The following FAM227B variants were observed in gnomAD, a reference collection of about 807,000 sequenced individuals.
FAM227B encodes the protein protein FAM227B.
Under a neutral mutation model 73.8 loss-of-function variants are expected in FAM227B, and 88 were observed. The observed-to-expected ratio is 1.19, with a 90% confidence interval of 1.00 to 1.42. The LOEUF (loss-of-function observed/expected upper bound fraction) is 1.42. Among genes scored for constraint, FAM227B ranks in the 40% most tolerant of loss-of-function variants. The pLI, the probability that FAM227B is intolerant of heterozygous loss-of-function variation, is 0.00. For missense variants in FAM227B, 632 were observed against 590.9 expected (o/e 1.07, Z -0.72); for synonymous variants, 210 against 190.5 (o/e 1.10, Z -0.84).
chr15:49,547,729 G>A (rs58886482), intron 9 of FAM227B, among the ~76,000 whole-genome samples: 45,035 of 151,978 alleles, frequency 0.3, 7,000 homozygotes, highest in East Asian at 0.38. Flanking sequence ...AAGACAAAGA[G>A]ACATTTATAT....
At chr15:49,421,361 C>T (rs2151732987) in intron 11 of FAM227B, among the ~76,000 whole-genome samples, 1 of 152,272 alleles carries the variant, frequency 6.6e-6, no homozygotes, top group East Asian at 1.9e-4. Context: ...GAATTTAAAC[C>T]ATTGATACAG....
At chr15:49,539,220 T>C (rs2070711733) in intron 10 of FAM227B, among the ~76,000 whole-genome samples, 1 of 152,138 alleles carries the variant, frequency 6.6e-6, no homozygotes, top group Non-Finnish European at 1.5e-5. Context: ...TCACTGAAAA[T>C]TGCAGCATCC....
At chr15:49,446,037 G>C (rs1403065428) in intron 11 of FAM227B, among the ~76,000 whole-genome samples, 3 of 151,118 alleles carry the variant, frequency 2.0e-5, no homozygotes, top group African/African-American at 7.3e-5. Flanking sequence ...TAGTTTTCTT[G>C]TACATTAAAA....
intron 11 of FAM227B, among the ~76,000 whole-genome samples, chr15:49,391,891 C>T (rs1341706663): frequency 1.3e-5 from 2 of 152,058 alleles, no homozygotes; most frequent in Non-Finnish European, 2.9e-5. Context: ...GATTAGCTGC[C>T]CAATTCTCCT....
At chr15:49,498,926 G>C (rs914851021) in intron 11 of FAM227B, among the ~76,000 whole-genome samples, 5 of 151,908 alleles carry the variant, frequency 3.3e-5, no homozygotes, top group Admixed American at 2.6e-4. Flanking sequence ...CAGCACTTTG[G>C]GAGGCCGAGG....
At chr15:49,435,341 G>C (rs2051003525) in intron 11 of FAM227B, among the ~76,000 whole-genome samples, 1 of 151,446 alleles carries the variant, frequency 6.6e-6, no homozygotes, top group Non-Finnish European at 1.5e-5. Flanking sequence ...AATTATGAAG[G>C]TTATCTACCA....
intron 10 of FAM227B, 46 bp from the exon 11 acceptor site, chr15:49,508,394 A>C (rs748572194): frequency 6.9e-7 from 1 of 1,456,326 alleles, no homozygotes; most frequent in South Asian, 1.3e-5. Flanking sequence ...TTGGATTTTG[A>C]AAATACCTTT....
intron 3 of FAM227B, among the ~76,000 whole-genome samples, chr15:49,606,877 T>A (rs35145376): frequency 0.11 from 16,404 of 152,242 alleles, 1,249 homozygotes; most frequent in East Asian, 0.36. Context: ...AACATTAATA[T>A]TTGCAAATCT....
intron 11 of FAM227B, among the ~76,000 whole-genome samples, chr15:49,385,538 C>T (rs1228759548): frequency 6.7e-6 from 1 of 150,280 alleles, no homozygotes; most frequent in Non-Finnish European, 1.5e-5. Flanking sequence ...GCCCAATACG[C>T]ACCAAAATAG....
intron 3 of FAM227B, among the ~76,000 whole-genome samples, chr15:49,591,045 A>ATTTTTTTTTTTTT (rs748799826): frequency 2.8e-5 from 2 of 72,562 alleles, no homozygotes; most frequent in African/African-American, 1.2e-4. Flanking sequence ...TTTTTTTTTG[A>ATTTTTTTTTTTTT]TTTTTTTTTT....
At chr15:49,585,077 A>C (rs565892683) in intron 5 of FAM227B, among the ~76,000 whole-genome samples, 1 of 152,312 alleles carries the variant, frequency 6.6e-6, no homozygotes, top group African/African-American at 2.4e-5. Flanking sequence ...GCAGCCAAAA[A>C]ACACATGAAA....
chr15:49,497,944 T>C (rs1006163125), intron 11 of FAM227B, among the ~76,000 whole-genome samples: 1 of 152,240 alleles, frequency 6.6e-6, no homozygotes, highest in South Asian at 2.1e-4. Flanking sequence ...TACACGAAAC[T>C]GGAAAACAAG....
Position 49,450,091 on chromosome 15 carries a change from A to T in FAM227B, c.1012+58120T>A, listed in dbSNP as rs535338583. Among the ~76,000 whole-genome samples the T allele has an allele frequency of 5.9e-5, 9 of 152,272 alleles. No homozygotes were observed. In the South Asian group the frequency reaches 1.9e-3, roughly 32 times the overall value. ...AAATCCATAAGACTGAGAAGAAACAAATTAAAACGGAGTTGTGGAATAAAC... is the reference window on the plus strand; with the variant it reads ...AAATCCATAAGACTGAGAAGAAACATATTAAAACGGAGTTGTGGAATAAAC... On this transcript the variant is annotated intron_variant, in intron 11 of 15. Transcript: ENST00000299338.
At chr15:49,451,043 T>A (rs533843706) in intron 11 of FAM227B, among the ~76,000 whole-genome samples, 4 of 152,240 alleles carry the variant, frequency 2.6e-5, no homozygotes, top group South Asian at 2.1e-4. Flanking sequence ...GGTTTTTTTT[T>A]AAATGACAGT....
At position 49,589,970 on chromosome 15, in the gene FAM227B, T is replaced by C; in HGVS notation, c.143A>G (p.Asp48Gly). ...TTTTTTCAGAGTGCATGACCATTTA[T>C]CATCATCTCTAAAATGGATTTCCCT... is the stretch of plus-strand genomic sequence containing the variant. ...WPREIHFRDD[D>G]KWSCTLKKIK... Residue 48 changes from aspartate (D) to glycine (G), a missense_variant, in exon 4 of 16, where the codon GAT (aspartate) becomes GGT (glycine). Transcript: ENST00000299338. 2 of 1,606,598 alleles carry C rather than the reference T, an allele frequency of 1.2e-6. No individual in the cohort carries two copies. Among genetic ancestry groups the C allele is most frequent in the Non-Finnish European group, 1.7e-6 (2 of 1,173,624 alleles).
At chr15:49,365,433 G>C (rs1567160075) in intron 13 of FAM227B, 4 of 947,974 alleles carry the variant, frequency 4.2e-6, no homozygotes, top group South Asian at 1.3e-5. Flanking sequence ...GCAAGCAACA[G>C]GCCTGTACAA....
chr15:49,504,955 T>TA (rs1390036865), intron 11 of FAM227B, among the ~76,000 whole-genome samples: 1 of 152,212 alleles, frequency 6.6e-6, no homozygotes, highest in Non-Finnish European at 1.5e-5. Flanking sequence ...TAAATGTTCA[T>TA]AGCAGCTGTA....
At chr15:49,588,677 T>C (rs2076340275) in intron 4 of FAM227B, among the ~76,000 whole-genome samples, 1 of 148,112 alleles carries the variant, frequency 6.8e-6, no homozygotes, top group Non-Finnish European at 1.5e-5. Context: ...GGGTATTTTA[T>C]TTCATTACAA....
intron 11 of FAM227B, among the ~76,000 whole-genome samples, chr15:49,436,055 C>A (rs2051074748): frequency 6.6e-6 from 1 of 151,350 alleles, no homozygotes; most frequent in Non-Finnish European, 1.5e-5. Flanking sequence ...TACTTCATTT[C>A]ACGGAAGAAA....
Sources: gnomAD v4.1 joint callset for allele counts (sites outside exome capture counted in the v4.1 genomes callset) on GRCh38, gnomAD v4.1.1 for gene constraint, MANE v1.5 for transcripts, NCBI Gene and HGNC (gene_info 2026-07-23, HGNC 2026-07-21) for gene names.